Variants in COL28A1 observed in about 807,000 individuals in gnomAD.
COL28A1 encodes the protein collagen type XXVIII alpha 1 chain.
Under a neutral mutation model 150.2 loss-of-function variants are expected in COL28A1, and 161 were observed. The ratio of observed to expected loss-of-function variants is 1.07; its 90% CI spans 0.94 to 1.22. The LOEUF is 1.22. Ranked by LOEUF, COL28A1 falls within the 50% of genes most tolerant of loss-of-function variation. The pLI, the probability that COL28A1 is intolerant of heterozygous loss-of-function variation, is 0.00. For synonymous variants in COL28A1, 552 were observed against 469.7 expected, an observed-to-expected ratio of 1.18 and a Z score of -2.26; for missense variants, 1,617 against 1,388.3, an observed-to-expected ratio of 1.16 and a Z score of -2.62.
At chr7:7,425,449 T>C (rs2128310862) in intron 25 of COL28A1, among the ~76,000 whole-genome samples, 1 of 152,328 alleles carries the variant, frequency 6.6e-6, no homozygotes, top group Middle Eastern at 3.4e-3. Context: ...ATAAGATTCA[T>C]CCTGTATTAC....
chr7:7,432,522 C>T lies in COL28A1; in HGVS notation c.1949G>A (p.Gly650Glu). The stretch of plus-strand genomic sequence containing the variant: ...ACGTAAACCCATCGGCCCAGGGGGT[C>T]CTGGTAATCCACGAGGTCCCTGAGA... ...PGVPGPRGLPGPPGPMGLRGV... is the reference protein window; with the variant it reads ...PGVPGPRGLPEPPGPMGLRGV... Residue 650 changes from glycine to glutamate, a missense_variant, in exon 25 of 35, where the codon GGA (glycine) becomes GAA (glutamate). Transcript: ENST00000399429. The T allele has an allele frequency of 1.2e-6, 2 of 1,614,060 alleles. No individual in the cohort carries two copies. The highest frequency in any genetic ancestry group is 1.7e-6 in the Non-Finnish European group (2 of 1,179,986).
intron 25 of COL28A1, among the ~76,000 whole-genome samples, chr7:7,424,853 T>C (rs1784571324): frequency 6.6e-6 from 1 of 152,166 alleles, no homozygotes; most frequent in Non-Finnish European, 1.5e-5. Flanking sequence ...TATTTGTGCA[T>C]ATGAACTTAA....
intron 13 of COL28A1, among the ~76,000 whole-genome samples, chr7:7,483,822 A>G (rs1019465681): frequency 3.3e-5 from 5 of 152,192 alleles, no homozygotes; most frequent in African/African-American, 1.2e-4. Flanking sequence ...CAAGAACAGT[A>G]TAGTAAAAAG....
the COL28A1 span, among the ~76,000 whole-genome samples, chr7:7,543,221 G>C: frequency 6.6e-6 from 1 of 152,106 alleles, no homozygotes; most frequent in Non-Finnish European, 1.5e-5. Context: ...AATGAGTATA[G>C]TTCCAACAAG....
At chr7:7,416,843 T>A (rs1345973527) in intron 27 of COL28A1, among the ~76,000 whole-genome samples, 1 of 152,172 alleles carries the variant, frequency 6.6e-6, no homozygotes, top group African/African-American at 2.4e-5. Context: ...CAACACAGGA[T>A]TTTCACATTA....
Position 7,417,852 on chromosome 7 carries a change from CACTT to C in COL28A1, c.2136+3_2136+6del. The C allele has an allele frequency of 6.2e-7, 1 of 1,612,502 alleles. No homozygotes were observed. Among genetic ancestry groups the C allele is most frequent in the Non-Finnish European group, 8.5e-7 (1 of 1,178,862 alleles). On this transcript the variant is annotated splice_donor_5th_base_variant and intron_variant, in intron 27 of 34. Coordinates refer to ENST00000399429, the MANE Select transcript of COL28A1 (RefSeq NM_001037763.3). The stretch of plus-strand genomic sequence containing the variant: ...GAGGTGACTCCAGCACAACCCTATT[CACTT>C]ACTTTAATTCCCTGTGATCCATAGC...
intron 13 of COL28A1, among the ~76,000 whole-genome samples, chr7:7,483,005 A>G (rs892682793): frequency 6.6e-6 from 1 of 152,186 alleles, no homozygotes. Flanking sequence ...AAATGAAGAC[A>G]GAATTATAAC....
At chr7:7,475,629 T>A (rs935986353) in intron 14 of COL28A1, among the ~76,000 whole-genome samples, 6 of 152,266 alleles carry the variant, frequency 3.9e-5, no homozygotes, top group Admixed American at 3.9e-4. Flanking sequence ...TTCTTCTTAA[T>A]GTTTCACATA....
chr7:7,447,597 A>G (rs1173154377), intron 18 of COL28A1, among the ~76,000 whole-genome samples: 1 of 152,136 alleles, frequency 6.6e-6, no homozygotes, highest in Non-Finnish European at 1.5e-5. Flanking sequence ...TACTCCATAC[A>G]GTCAAGAAAC....
chr7:7,384,262 C>A (rs1782056544), intron 27 of COL28A1, among the ~76,000 whole-genome samples: 1 of 152,178 alleles, frequency 6.6e-6, no homozygotes, highest in Non-Finnish European at 1.5e-5. Context: ...TGTTGCACTA[C>A]AATGTCTTGG....
At chr7:7,509,493 T>C (rs1781005765) in intron 9 of COL28A1, among the ~76,000 whole-genome samples, 1 of 152,238 alleles carries the variant, frequency 6.6e-6, no homozygotes, top group Admixed American at 6.5e-5. Flanking sequence ...TCATATGTTT[T>C]TCTGAACAAA....
chr7:7,490,626 AC>A lies in COL28A1; in HGVS notation c.1046del (p.Gly349ValfsTer89). ...QGNKGEPGPP[G>X]PYGSPGAPGI... ...CAGGAGCTCCTGGAGAACCATAAGG[AC>A]CAGGAGGACCTGGCTCACCCTGGAG... On this transcript the variant is annotated frameshift_variant, in exon 12 of 35. Coordinates refer to ENST00000399429, the MANE Select transcript of COL28A1 (RefSeq NM_001037763.3). LOFTEE classifies it high-confidence loss of function. 3.0e-6 allele frequency: 4 copies of A among 1,350,530 alleles called. No homozygotes were observed. Among genetic ancestry groups the A allele is most frequent in the Non-Finnish European group, 4.3e-6 (4 of 940,456 alleles). The allele number at this position is 1,350,530 out of a possible 1,614,324, so 83.7% of individuals were successfully genotyped here. A position where few individuals can be genotyped will look rare whatever the true frequency, so the allele number is the denominator to read the frequency against.
At chr7:7,436,202 G>A (rs776358497) in intron 23 of COL28A1, among the ~76,000 whole-genome samples, 193 bp downstream of exon 23, 1 of 152,058 alleles carries the variant, frequency 6.6e-6, no homozygotes, top group Non-Finnish European at 1.5e-5. Flanking sequence ...AACCATAAGA[G>A]CTACTTTTCC....
chr7:7,520,462 A>G (rs1015303341), intron 5 of COL28A1, among the ~76,000 whole-genome samples: 2 of 152,152 alleles, frequency 1.3e-5, no homozygotes, highest in African/African-American at 4.8e-5. Context: ...GTTGTTCCCA[A>G]TCTCTCTTCA....
chr7:7,478,817 G>A (rs972727867), intron 13 of COL28A1, among the ~76,000 whole-genome samples: 7 of 152,256 alleles, frequency 4.6e-5, no homozygotes, highest in Non-Finnish European at 1.0e-4. Context: ...CGGGGCGGCA[G>A]GGCCAGTCGG....
At chr7:7,423,559 T>A (rs572448011) in intron 25 of COL28A1, among the ~76,000 whole-genome samples, 2 of 60,126 alleles carry the variant, frequency 3.3e-5, no homozygotes, top group South Asian at 1.0e-3. Flanking sequence ...TGTTACATAA[T>A]TTTTTTTTTA....
chr7:7,388,373 T>C (rs1488878618), intron 27 of COL28A1, among the ~76,000 whole-genome samples: 5 of 152,202 alleles, frequency 3.3e-5, no homozygotes, highest in Non-Finnish European at 5.9e-5. Context: ...TAGTATTCCA[T>C]GGTGTATATT....
chr7:7,409,842 G>T (rs80352409), intron 27 of COL28A1, among the ~76,000 whole-genome samples: 1,644 of 152,082 alleles, frequency 0.011, 42 homozygotes, highest in African/African-American at 0.038. Flanking sequence ...ATCACACAGG[G>T]CCTTGTTCAT....
intron 21 of COL28A1, among the ~76,000 whole-genome samples, chr7:7,440,133 C>A (rs1208955419): frequency 6.6e-6 from 1 of 152,166 alleles, no homozygotes; most frequent in Non-Finnish European, 1.5e-5. Context: ...GCTCACCTCA[C>A]AATCCCCTTC....
Sources: gnomAD v4.1 joint callset for allele counts (sites outside exome capture counted in the v4.1 genomes callset) on GRCh38, gnomAD v4.1.1 for gene constraint, MANE v1.5 for transcripts, NCBI Gene and HGNC (gene_info 2026-07-23, HGNC 2026-07-21) for gene names.